Variants in DIAPH3 observed in about 807,000 individuals in gnomAD.
DIAPH3 encodes the protein protein diaphanous homolog 3.
In DIAPH3, 117 loss-of-function variants were observed where a neutral mutation model predicts 144.3. That is an observed-to-expected ratio of 0.81 (90% CI 0.70 to 0.95). DIAPH3 has a LOEUF of 0.95. DIAPH3 is among the 40% of genes least tolerant of loss of function. The probability of loss-of-function intolerance (pLI) is 0.00; values close to 1 mark genes in which losing one functional copy is unlikely to be tolerated. For missense variants in DIAPH3, 1,421 were observed against 1,412.7 expected (o/e 1.01, Z -0.09); for synonymous variants, 519 against 488.9 (o/e 1.06, Z -0.81).
At chr13:59,743,409 T>C (rs1353523) in intron 27 of DIAPH3, among the ~76,000 whole-genome samples, 50,657 of 151,768 alleles carry the variant, frequency 0.33, 8,774 homozygotes, top group African/African-American at 0.41. Flanking sequence ...AAGGAGGAAG[T>C]TTCCAACATG....
intron 1 of DIAPH3, among the ~76,000 whole-genome samples, chr13:60,160,496 G>T (rs1349439641): frequency 6.6e-6 from 1 of 152,188 alleles, no homozygotes; most frequent in African/African-American, 2.4e-5. Flanking sequence ...ACCACTACCT[G>T]TGTGTTGCCA....
rs2032576305 is a variant in DIAPH3, at chr13:59,675,175, CTT to C, written c.3320-8331_3320-8330del. 2.0e-5 allele frequency among the ~76,000 whole-genome samples: 3 copies of C among 152,082 alleles called. No homozygotes were observed. The South Asian group carries it at 6.2e-4, about 32-fold the overall frequency. ...TGAACTCCTGGGCTCAAGGTATCCTCTTGTCTTGGCCTTCGGAGTAGCTAGGT... is the reference window on the plus strand; with the variant it reads ...TGAACTCCTGGGCTCAAGGTATCCTCGTCTTGGCCTTCGGAGTAGCTAGGT... On this transcript the variant is annotated intron_variant, in intron 27 of 27. Coordinates refer to ENST00000400324, the MANE Select transcript of DIAPH3 (RefSeq NM_001042517.2).
intron 12 of DIAPH3, among the ~76,000 whole-genome samples, chr13:59,988,415 C>T (rs1431456915): frequency 6.6e-6 from 1 of 151,812 alleles, no homozygotes; most frequent in African/African-American, 2.4e-5. Flanking sequence ...ATTAACAACA[C>T]AAGCTATTTC....
chr13:59,714,309 G>C (rs938318975), intron 27 of DIAPH3, among the ~76,000 whole-genome samples: 21 of 145,170 alleles, frequency 1.4e-4, no homozygotes, highest in Middle Eastern at 3.3e-3. Flanking sequence ...GCAGTGAGCC[G>C]AGATCCCGCC....
At chr13:59,866,013 A>G (rs2043896377) in intron 21 of DIAPH3, among the ~76,000 whole-genome samples, 1 of 152,002 alleles carries the variant, frequency 6.6e-6, no homozygotes, top group South Asian at 2.1e-4. Flanking sequence ...GCAGCATTGA[A>G]TATTTAGATG....
chr13:59,730,251 C>A (rs1317021158), intron 27 of DIAPH3, among the ~76,000 whole-genome samples: 1 of 152,206 alleles, frequency 6.6e-6, no homozygotes, highest in Non-Finnish European at 1.5e-5. Context: ...CCCCTCAGGC[C>A]TCTGCCTGGC....
chr13:59,991,327 ATAATAATAT>A (rs2140815709), intron 11 of DIAPH3, 53 bp from the exon 12 acceptor site: 1 of 1,221,698 alleles, frequency 8.2e-7, no homozygotes, highest in African/African-American at 1.5e-5. Flanking sequence ...CCAAACAACT[ATAATAATAT>A]GACAGAATTT....
chr13:59,868,310 T>C lies in DIAPH3; in HGVS notation c.2608-6774A>G, dbSNP rs2139982072. Among the ~76,000 whole-genome samples the C allele has an allele frequency of 1.3e-5, 2 of 152,262 alleles. 1 individual carries two copies. The highest frequency in any genetic ancestry group is 4.1e-4 in the South Asian group (2 of 4,822). On this transcript the variant is annotated intron_variant, in intron 21 of 27. Transcript: ENST00000400324. ...AACAATTAACAAAAATTGGAGTAAGTGCTTAGAAAGTGAACATGTTTAGAT... is the reference window on the plus strand; with the variant it reads ...AACAATTAACAAAAATTGGAGTAAGCGCTTAGAAAGTGAACATGTTTAGAT...
At chr13:59,937,528 CAG>C (rs2048323530) in intron 17 of DIAPH3, among the ~76,000 whole-genome samples, 1 of 152,138 alleles carries the variant, frequency 6.6e-6, no homozygotes, top group Admixed American at 6.5e-5. Flanking sequence ...TATTAACAAA[CAG>C]ATAAAAAGCA....
chr13:59,994,383 G>A (rs532391565), intron 9 of DIAPH3, among the ~76,000 whole-genome samples: 1 of 151,852 alleles, frequency 6.6e-6, no homozygotes, highest in African/African-American at 2.4e-5. Context: ...ACATACCTGC[G>A]GTATCACACA....
In DIAPH3 at chr13:59,931,306, C is replaced by T. The variant is rs551681502; in HGVS notation, c.2075-6436G>A. On this transcript the variant is annotated intron_variant, in intron 17 of 27. Transcript: ENST00000400324. Reference sequence around the variant, plus strand: ...CATATTTTTTCACCTGGACCACAGCCGGTTTCTAACTAGTCTCCTTGCTTT... The same window carrying T: ...CATATTTTTTCACCTGGACCACAGCTGGTTTCTAACTAGTCTCCTTGCTTT... Among the ~76,000 whole-genome samples, 13 of 152,218 alleles carry T rather than the reference C, an allele frequency of 8.5e-5. No homozygotes were observed. In the East Asian group the frequency reaches 1.2e-3, roughly 14 times the overall value.
rs9783571 is a variant in DIAPH3 at position 59,880,515 on chromosome 13, A to T, written c.2368-1047T>A. On this transcript the variant is annotated intron_variant, in intron 20 of 27. Coordinates refer to ENST00000400324, the MANE Select transcript of DIAPH3 (RefSeq NM_001042517.2). ...AACAATGCTATATGAAGCCTGTAGGATGCCAAATATAATGAAAATCATGAT... is the reference window on the plus strand; with the variant it reads ...AACAATGCTATATGAAGCCTGTAGGTTGCCAAATATAATGAAAATCATGAT... 5.3e-4 allele frequency among the ~76,000 whole-genome samples: 81 copies of T among 152,302 alleles called. 1 individual carries two copies. Among genetic ancestry groups the T allele is most frequent in the African/African-American group, 1.9e-3 (79 of 41,570 alleles).
At chr13:59,975,861 A>C (rs75884780) in intron 14 of DIAPH3, among the ~76,000 whole-genome samples, 2,002 of 152,058 alleles carry the variant, frequency 0.013, 39 homozygotes, top group African/African-American at 0.045. Flanking sequence ...ACCATTCCCC[A>C]CAACTACTAC....
At chr13:59,680,237 C>T (rs138360570) in intron 27 of DIAPH3, among the ~76,000 whole-genome samples, 265 of 152,258 alleles carry the variant, frequency 1.7e-3, no homozygotes, top group African/African-American at 5.8e-3. Flanking sequence ...CATACATTGT[C>T]ATACATATGT....
chr13:59,792,940 T>C (rs1441596597), intron 25 of DIAPH3, among the ~76,000 whole-genome samples: 1 of 152,178 alleles, frequency 6.6e-6, no homozygotes, highest in African/African-American at 2.4e-5. Context: ...TCAATTGGAT[T>C]CTTAATGCTA....
chr13:59,758,882 T>C (rs2037423111), intron 27 of DIAPH3, among the ~76,000 whole-genome samples: 1 of 151,226 alleles, frequency 6.6e-6, no homozygotes, highest in Non-Finnish European at 1.5e-5. Flanking sequence ...TGGGCTTGAG[T>C]GATCTTCCTA....
Position 59,833,208 on chromosome 13 carries a change from T to C in DIAPH3, c.2926A>G (p.Lys976Glu). 3 of 1,609,930 alleles carry C rather than the reference T, an allele frequency of 1.9e-6. No individual in the cohort carries two copies. Among genetic ancestry groups the C allele is most frequent in the South Asian group, 2.2e-5 (2 of 90,702 alleles). Residue 976 changes from lysine to glutamate, a missense_variant, in exon 24 of 28, where the codon AAG becomes GAG. Coordinates refer to ENST00000400324, the MANE Select transcript of DIAPH3 (RefSeq NM_001042517.2). ...TATCCTATTATACTCTGGTATAACT[T>C]TTCCATGTTTTCGTGTAACTTCGAA... is the stretch of plus-strand genomic sequence containing the variant. The part of the protein sequence containing the change: ...TLSKLHENME[K>E]LYQSIIGYYA...
intron 27 of DIAPH3, among the ~76,000 whole-genome samples, chr13:59,758,632 A>G (rs2037407761): frequency 6.6e-6 from 1 of 152,208 alleles, no homozygotes. Context: ...TCTATCATAT[A>G]AAGTTTACAT....
chr13:59,878,491 C>T (rs2044777647), intron 21 of DIAPH3, among the ~76,000 whole-genome samples: 1 of 152,024 alleles, frequency 6.6e-6, no homozygotes, highest in Non-Finnish European at 1.5e-5. Context: ...GTTACGAGGT[C>T]AAGAACAAGA....
Sources: gnomAD v4.1 joint callset for allele counts (sites outside exome capture counted in the v4.1 genomes callset) on GRCh38, gnomAD v4.1.1 for gene constraint, MANE v1.5 for transcripts, NCBI Gene and HGNC (gene_info 2026-07-23, HGNC 2026-07-21) for gene names.